Variants in MORN1 observed in about 807,000 individuals in gnomAD.
MORN1 encodes the protein MORN repeat-containing protein 1.
In MORN1, 67 loss-of-function variants were observed where a neutral mutation model predicts 61.9. The observed-to-expected ratio is 1.08, with a 90% CI of 0.89 to 1.33. The LOEUF (loss-of-function observed/expected upper bound fraction) is 1.33. Among genes scored for constraint, MORN1 ranks in the 40% most tolerant of loss-of-function variants. MORN1 has a pLI of 0.00. For missense variants in MORN1, 752 were observed against 691.2 expected (o/e 1.09, Z -0.99); for synonymous variants, 301 against 292.0 (o/e 1.03, Z -0.31).
rs750320515 is a variant in MORN1 at position 2,374,565 on chromosome 1, G to T, written c.538-8C>A. 56 of 1,577,992 alleles carry T rather than the reference G, an allele frequency of 3.5e-5. No homozygotes were observed. The highest frequency in any genetic ancestry group is 8.0e-5 in the African/African-American group (6 of 74,550). On this transcript the variant is annotated splice_polypyrimidine_tract_variant and splice_region_variant and intron_variant, in intron 6 of 13. Coordinates refer to ENST00000378531, the MANE Select transcript of MORN1 (RefSeq NM_024848.3). ...GTCGCTGTGCCACTGTCCCTGCAGAGAGAAGGGTGAGGCTCAGGCTGGTGG... is the reference window on the plus strand; with the variant it reads ...GTCGCTGTGCCACTGTCCCTGCAGATAGAAGGGTGAGGCTCAGGCTGGTGG...
rs945786306 is a variant in MORN1, at chr1:2,372,169, C to T, written c.745+312G>A. ...GGAAGGACACTCTGACACACGTGCA[C>T]GCGTGCCCCCCCACACGTATACACA... is the stretch of plus-strand genomic sequence containing the variant. On this transcript the variant is annotated intron_variant, in intron 8 of 13. Transcript: ENST00000378531. This position sits in a 1 kb window ranked among gnomAD's most constrained non-coding sequence, Gnocchi z 5.4. The T allele has an allele frequency of 6.0e-5, 17 of 281,230 alleles. No homozygotes were observed. The highest frequency in any genetic ancestry group is 1.1e-4 in the Non-Finnish European group (16 of 145,294). The allele number at this position is 281,230 out of a possible 1,614,324, so 17.4% of individuals were successfully genotyped here. A position where few individuals can be genotyped will look rare whatever the true frequency, so the allele number is the denominator to read the frequency against.
At chr1:2,327,984 C>G (rs1641073108) in intron 12 of MORN1, among the ~76,000 whole-genome samples, 2 of 152,264 alleles carry the variant, frequency 1.3e-5, no homozygotes, top group African/African-American at 4.8e-5. Context: ...TCACAGGCTT[C>G]TGTGTGCAGA....
Position 2,321,266 on chromosome 1 carries a change from G to T in MORN1, c.*117C>A. On this transcript the variant is annotated 3_prime_UTR_variant, in exon 14 of 14. Coordinates refer to ENST00000378531, the MANE Select transcript of MORN1 (RefSeq NM_024848.3). ...CAGTGCCCTCCATAGCCGCCACTGA[G>T]CATTTTATTCAAGCCAGCAACCACG... 1 of 797,348 alleles carries T rather than the reference G, an allele frequency of 1.3e-6. No individual in the cohort carries two copies. Among genetic ancestry groups the T allele is most frequent in the Non-Finnish European group, 1.9e-6 (1 of 526,928 alleles). The allele number at this position is 797,348 out of a possible 1,614,324, so 49.4% of individuals were successfully genotyped here.
chr1:2,321,966 A>G (rs944961800), intron 13 of MORN1: 1 of 964,304 alleles, frequency 1.0e-6, no homozygotes, highest in Non-Finnish European at 1.2e-6. Context: ...ATACTTTCCT[A>G]CTTTTTTAGG....
Position 2,337,517 on chromosome 1 carries a change from T to TG in MORN1, c.1037-668dup, listed in dbSNP as rs1641306432. ...TCCCGGGGTCCCAGGGTGCGAGGTA[T>TG]GGGGGCTCCCCTCTGGCTTCCCCCA... On this transcript the variant is annotated intron_variant, in intron 10 of 13. Coordinates refer to ENST00000378531, the MANE Select transcript of MORN1 (RefSeq NM_024848.3). The surrounding 1 kb of genome is among the most constrained non-coding windows in gnomAD (Gnocchi z 5.7). 6.6e-6 allele frequency among the ~76,000 whole-genome samples: 1 copy of TG among 152,130 alleles called. No individual in the cohort carries two copies. The highest frequency in any genetic ancestry group is 1.5e-5 in the Non-Finnish European group (1 of 67,994).
At position 2,385,083 on chromosome 1, in the gene MORN1, G is replaced by A. The variant is rs375818479; in HGVS notation, c.450-18C>T. ...CACCGTTCCTGGGGGACACACGCAC[G>A]GAGTCCACTCTCAACAGGGGGAGCC... On this transcript the variant is annotated intron_variant, in intron 5 of 13. Coordinates refer to ENST00000378531, the MANE Select transcript of MORN1 (RefSeq NM_024848.3). 2.7e-5 allele frequency: 43 copies of A among 1,574,084 alleles called. No homozygotes were observed. The highest frequency in any genetic ancestry group is 4.5e-4 in the Middle Eastern group (2 of 4,420).
intron 13 of MORN1, chr1:2,322,386 C>T: frequency 1.0e-6 from 1 of 985,370 alleles, no homozygotes; most frequent in Non-Finnish European, 1.2e-6. Context: ...GCTCACACCG[C>T]AAGGCAGAGC....
chr1:2,351,800 G>T, intron 10 of MORN1: 1 of 561,956 alleles, frequency 1.8e-6, no homozygotes. Context: ...CATCTTGTAG[G>T]ATACGTCTCA....
chr1:2,336,572 G>A (rs1569935428), intron 11 of MORN1, 24 bp from the exon 12 acceptor site: 3 of 1,611,806 alleles, frequency 1.9e-6, no homozygotes, highest in Non-Finnish European at 2.5e-6. Flanking sequence ...GCAGGAGGAG[G>A]GGAGAAGGAA....
intron 6 of MORN1, chr1:2,374,858 G>GA: frequency 6.6e-6 from 2 of 301,860 alleles, no homozygotes; most frequent in East Asian, 6.4e-5. Context: ...GCACATTTCA[G>GA]CAAAAAAAAA....
rs1157809888 is a variant in MORN1, at chr1:2,357,584, A to G, written c.884T>C (p.Ile295Thr). The G allele has an allele frequency of 3.1e-6, 5 of 1,600,622 alleles. No homozygotes were observed. Among genetic ancestry groups the G allele is most frequent in the Non-Finnish European group, 4.3e-6 (5 of 1,172,638 alleles). The change falls in exon 10 of 14, where the codon ATC becomes ACC. Residue 295 changes from isoleucine to threonine, a missense_variant. Physicochemically the swap from Ile to Thr is moderately conservative, Grantham distance 89. Coordinates refer to ENST00000378531, the MANE Select transcript of MORN1 (RefSeq NM_024848.3). The surrounding 1 kb of genome is among the most constrained non-coding windows in gnomAD (Gnocchi z 6.3). The part of the protein sequence containing the change: ...LIQTPFGFEC[I>T]PYPVSSPAAG... ...TGCGGGGCTGGACACAGGATAAGGG[A>G]TGCATTCGAACCCACTGCAAAGGAA...
intron 6 of MORN1, 163 bp from the exon 7 acceptor site, chr1:2,374,720 G>A: frequency 1.7e-6 from 1 of 584,264 alleles, no homozygotes; most frequent in Non-Finnish European, 3.0e-6. Flanking sequence ...CCTCGGTGGT[G>A]AGAAACTGTT....
chr1:2,330,400 C>T (rs1026277855), intron 12 of MORN1, among the ~76,000 whole-genome samples: 4 of 152,168 alleles, frequency 2.6e-5, no homozygotes, highest in Non-Finnish European at 5.9e-5. Flanking sequence ...AGGAACGGGT[C>T]GGTGTCCTTC....
chr1:2,356,653 G>A (rs1231345801), intron 10 of MORN1, among the ~76,000 whole-genome samples: 1 of 152,182 alleles, frequency 6.6e-6, no homozygotes, highest in Non-Finnish European at 1.5e-5. Context: ...CCCGGTGGCC[G>A]GCAGCACCCC....
In MORN1 at chr1:2,357,377, T is replaced by G; in HGVS notation, c.1036+55A>C. On this transcript the variant is annotated intron_variant, in intron 10 of 13. Coordinates refer to ENST00000378531, the MANE Select transcript of MORN1 (RefSeq NM_024848.3). This position sits in a 1 kb window ranked among gnomAD's most constrained non-coding sequence, Gnocchi z 6.3. ...GGGTCCCCATGACCCCACCCCCACC[T>G]TGACTGCTGGGCCTGGGCCCACCCA... 8.3e-5 allele frequency: 113 copies of G among 1,364,238 alleles called. No homozygotes were observed. The highest frequency in any genetic ancestry group is 2.0e-4 in the Middle Eastern group (1 of 5,044). 84.5% of individuals were successfully genotyped at this position (1,364,238 alleles called of 1,614,324 possible). A position where few individuals can be genotyped will look rare whatever the true frequency, so the allele number is the denominator to read the frequency against.
rs1450644390 is a variant in MORN1, at chr1:2,374,468, G to T, written c.627C>A (p.His209Gln). The T allele has an allele frequency of 1.3e-6, 2 of 1,592,520 alleles. No homozygotes were observed. Among genetic ancestry groups the T allele is most frequent in the Admixed American group, 3.6e-5 (2 of 56,206 alleles). The change falls in exon 7 of 14, where the codon CAC (histidine) becomes CAA (glutamine). Residue 209 changes from histidine to glutamine, a missense_variant. Physicochemically the swap from His to Gln is conservative, Grantham distance 24. Transcript: ENST00000378531. Reference protein sequence around the residue: ...VTYYGLWINGHPAEQATRIVI... With the variant: ...VTYYGLWINGQPAEQATRIVI... ...GAAGGCAGGGACACCTACCTGCTGG[G>T]TGGCCATTGATCCACAACCCATAAT...
intron 12 of MORN1, 120 bp downstream of exon 12, chr1:2,336,349 C>T: frequency 3.0e-6 from 3 of 995,378 alleles, no homozygotes; most frequent in Non-Finnish European, 4.3e-6. Flanking sequence ...CGTGTAGGCT[C>T]ACTGTCTTCC....
chr1:2,374,874 C>A (rs1642200552), intron 6 of MORN1: 1 of 295,090 alleles, frequency 3.4e-6, no homozygotes, highest in Non-Finnish European at 6.4e-6. Flanking sequence ...AAAAAAAATC[C>A]TTTTAATACA....
At chr1:2,348,724 C>CGCACACACACGCAT (rs1267156606) in intron 10 of MORN1, among the ~76,000 whole-genome samples, 3 of 147,532 alleles carry the variant, frequency 2.0e-5, no homozygotes, top group African/African-American at 5.0e-5. Context: ...TGCGCGGGCA[C>CGCACACACACGCAT]GCACACGCAC....
Sources: allele counts gnomAD v4.1 joint callset (sites outside exome capture counted in the v4.1 genomes callset), GRCh38; gene constraint gnomAD v4.1.1; non-coding constraint Gnocchi (gnomAD v3.1); transcripts MANE v1.5; gene names NCBI Gene and HGNC (gene_info 2026-07-23, HGNC 2026-07-21).